SMAD5: variants seen among roughly 807,000 people sequenced by gnomAD.
SMAD5 encodes the protein SMAD family member 5.
In SMAD5, 9 loss-of-function variants were observed where a neutral mutation model predicts 43.1. The ratio of observed to expected loss-of-function variants is 0.21; its 90% CI spans 0.13 to 0.36. SMAD5 has a LOEUF of 0.36. SMAD5 is among the 10% of genes least tolerant of loss of function. SMAD5 has a pLI of 1.00. For missense variants in SMAD5, 348 were observed against 574.0 expected (o/e 0.61, Z 4.02); for synonymous variants, 190 against 192.4 (o/e 0.99, Z 0.10).
intron 4 of SMAD5, among the ~76,000 whole-genome samples, chr5:136,161,747 C>T (rs1460380251): frequency 6.6e-6 from 1 of 152,114 alleles, no homozygotes; most frequent in Non-Finnish European, 1.5e-5. Context: ...ATGTCACTGT[C>T]AAGAAATATT....
At chr5:136,138,348 G>A (rs1462003786) in intron 1 of SMAD5, among the ~76,000 whole-genome samples, 2 of 152,198 alleles carry the variant, frequency 1.3e-5, no homozygotes, top group African/African-American at 2.4e-5. Flanking sequence ...TTTGGAAATC[G>A]GGAGCCACAG....
intron 1 of SMAD5, among the ~76,000 whole-genome samples, chr5:136,144,374 T>A (rs1420217768): frequency 6.6e-6 from 1 of 152,028 alleles, no homozygotes; most frequent in East Asian, 1.9e-4. Flanking sequence ...AAGTTTGGTT[T>A]AATACGGCCC....
At chr5:136,141,754 C>T (rs750588345) in intron 1 of SMAD5, among the ~76,000 whole-genome samples, 1 of 152,026 alleles carries the variant, frequency 6.6e-6, no homozygotes, top group African/African-American at 2.4e-5. Context: ...TGTTGATTAA[C>T]CTAGAGTACT....
intron 1 of SMAD5, among the ~76,000 whole-genome samples, chr5:136,142,485 TC>T (rs1271460368): frequency 6.6e-6 from 1 of 152,166 alleles, no homozygotes; most frequent in Non-Finnish European, 1.5e-5. Context: ...TTCAGAAGAA[TC>T]AGGGAACCTC....
At chr5:136,134,054 TG>T (rs1752787061) in intron 1 of SMAD5, 4 of 15,788 alleles carry the variant, frequency 2.5e-4, no homozygotes, top group Admixed American at 1.9e-3. Flanking sequence ...GGGGGGGGGG[TG>T]TTGCGGGGGG....
chr5:136,146,891 A>G (rs947536850), intron 1 of SMAD5, among the ~76,000 whole-genome samples: 6 of 151,714 alleles, frequency 4.0e-5, no homozygotes, highest in African/African-American at 1.5e-4. Context: ...AAAAATCTAT[A>G]TATTCGGGTG....
chr5:136,165,662 A>ATTTTTTTTTT lies in SMAD5; in HGVS notation c.775+2299_775+2308dup, dbSNP rs58156387. Among the ~76,000 whole-genome samples the ATTTTTTTTTT allele has an allele frequency of 1.4e-4, 9 of 65,456 alleles. 1 individual carries two copies. Among genetic ancestry groups the ATTTTTTTTTT allele is most frequent in the Non-Finnish European group, 2.7e-4 (9 of 33,262 alleles). The allele number at this position is 65,456 out of a possible 152,430, so 42.9% of individuals were successfully genotyped here. The stretch of plus-strand genomic sequence containing the variant: ...TACTTCATATAAATGGAATCATACA[A>ATTTTTTTTTT]TTTTTTTTTTTTTTTTTTTTTTTTT... On this transcript the variant is annotated intron_variant, in intron 5 of 7. Transcript: ENST00000545279.
At chr5:136,143,952 C>T in intron 1 of SMAD5, among the ~76,000 whole-genome samples, 1 of 152,016 alleles carries the variant, frequency 6.6e-6, no homozygotes, top group Non-Finnish European at 1.5e-5. Flanking sequence ...TCTTCTTCCA[C>T]TTTCCAGTTA....
chr5:136,153,622 C>G lies in SMAD5; in HGVS notation c.-139C>G, dbSNP rs1753538143. The G allele has an allele frequency of 3.0e-6, 2 of 659,384 alleles. No individual in the cohort carries two copies. Among genetic ancestry groups the G allele is most frequent in the Middle Eastern group, 3.3e-4 (1 of 3,060 alleles). 40.8% of individuals were successfully genotyped at this position (659,384 alleles called of 1,614,324 possible). A position where few individuals can be genotyped will look rare whatever the true frequency, so the allele number is the denominator to read the frequency against. ...GACCCAATGAAAGAAGCATATGGCA[C>G]TTGTGAAGATAAATGTTACTCCTCC... On this transcript the variant is annotated 5_prime_UTR_variant, in exon 3 of 8. Transcript: ENST00000545279.
chr5:136,138,044 G>A (rs901679766), intron 1 of SMAD5, among the ~76,000 whole-genome samples: 3 of 152,160 alleles, frequency 2.0e-5, no homozygotes, highest in Admixed American at 6.5e-5. Context: ...GTGCCTACAC[G>A]CCTGTACAAG....
At chr5:136,150,669 G>A (rs1205602668) in intron 2 of SMAD5, among the ~76,000 whole-genome samples, 1 of 151,952 alleles carries the variant, frequency 6.6e-6, no homozygotes, top group Non-Finnish European at 1.5e-5. Context: ...CAGAGGGGCA[G>A]GGATTTGGAT....
chr5:136,160,125 A>C (rs1326377002), intron 3 of SMAD5, among the ~76,000 whole-genome samples: 1 of 152,206 alleles, frequency 6.6e-6, no homozygotes, highest in Non-Finnish European at 1.5e-5. Flanking sequence ...TGTATCTGTT[A>C]AAAATGTTTA....
In SMAD5 at chr5:136,160,985, A is replaced by C; in HGVS notation, c.533A>C (p.His178Pro). The C allele has an allele frequency of 6.2e-7, 1 of 1,613,820 alleles. No homozygotes were observed. Among genetic ancestry groups the C allele is most frequent in the Non-Finnish European group, 8.5e-7 (1 of 1,179,838 alleles). Reference sequence around the variant, plus strand: ...AATGCCACGTTTCCAGATTCTTTCCACCAGCCCAACAACACTCCTTTTCCC... The same window carrying C: ...AATGCCACGTTTCCAGATTCTTTCCCCCAGCCCAACAACACTCCTTTTCCC... ...PQNATFPDSF[H>P]QPNNTPFPLS... Residue 178 changes from histidine to proline, a missense_variant, in exon 4 of 8, where the codon CAC becomes CCC. Around this residue, in one of 5 missense-constraint regions of SMAD5, gnomAD observed 185 missense variants for 207.0 expected, o/e 0.89. Coordinates refer to ENST00000545279, the MANE Select transcript of SMAD5 (RefSeq NM_005903.7).
At chr5:136,139,205 T>C (rs953041621) in intron 1 of SMAD5, among the ~76,000 whole-genome samples, 6 of 151,804 alleles carry the variant, frequency 4.0e-5, no homozygotes, top group African/African-American at 1.5e-4. Flanking sequence ...GGGGTGGGTA[T>C]TGAAGTCAGT....
chr5:136,142,446 G>T (rs1007801340), intron 1 of SMAD5, among the ~76,000 whole-genome samples: 1 of 152,064 alleles, frequency 6.6e-6, no homozygotes, highest in Non-Finnish European at 1.5e-5. Context: ...CACTAATGAC[G>T]TTCTGTGTTC....
rs143741136 is a variant in SMAD5, at chr5:136,158,696, G to A, written c.404-2160G>A. Among the ~76,000 whole-genome samples the A allele has an allele frequency of 3.8e-3, 572 of 152,238 alleles. 3 individuals carry two copies. Among genetic ancestry groups the A allele is most frequent in the Non-Finnish European group, 6.7e-3 (454 of 67,992 alleles). The stretch of plus-strand genomic sequence containing the variant: ...GGGCAGATCACGAGGTCAGGAGATC[G>A]AGACAATCCTGGCTAATACGGTGAA... On this transcript the variant is annotated intron_variant, in intron 3 of 7. Coordinates refer to ENST00000545279, the MANE Select transcript of SMAD5 (RefSeq NM_005903.7).
In SMAD5 at chr5:136,171,603, G is replaced by A. The variant is rs371042255; in HGVS notation, c.776-831G>A. Among the ~76,000 whole-genome samples, 3 of 152,260 alleles carry A rather than the reference G, an allele frequency of 2.0e-5. No homozygotes were observed. The East Asian group carries it at 5.8e-4, about 29-fold the overall frequency. On this transcript the variant is annotated intron_variant, in intron 5 of 7. Transcript: ENST00000545279. ...TGTTTTTCCATTTTGGAATGGGAAC[G>A]TCTATCCTGTGTCTGTCCCACCATA...
chr5:136,158,607 T>G (rs570428561), intron 3 of SMAD5, among the ~76,000 whole-genome samples: 45 of 152,192 alleles, frequency 3.0e-4, no homozygotes, highest in African/African-American at 1.1e-3. Context: ...AACCAAAAGT[T>G]GGAAGATCTG....
chr5:136,168,753 G>T (rs992958264), intron 5 of SMAD5, among the ~76,000 whole-genome samples: 1 of 152,110 alleles, frequency 6.6e-6, no homozygotes, highest in East Asian at 1.9e-4. Flanking sequence ...TGCAACCACT[G>T]ATCTTTTTAC....
Sources: gnomAD v4.1 joint callset for allele counts (sites outside exome capture counted in the v4.1 genomes callset) on GRCh38, gnomAD v4.1.1 for gene constraint, gnomAD v4.1.1 regional missense constraint, MANE v1.5 for transcripts, NCBI Gene and HGNC (gene_info 2026-07-23, HGNC 2026-07-21) for gene names.